Variants in PIKFYVE observed in about 807,000 individuals in gnomAD.
PIKFYVE encodes phosphoinositide kinase, FYVE-type zinc finger containing.
A neutral mutation model predicts 257.9 loss-of-function variants in PIKFYVE; 122 were observed. The ratio of observed to expected loss-of-function variants is 0.47; its 90% CI spans 0.41 to 0.55. The LOEUF is 0.55. Ranked by LOEUF, PIKFYVE falls within the 20% of genes least tolerant of loss-of-function variation. The probability of loss-of-function intolerance (pLI) is 0.00; values close to 1 mark genes in which losing one functional copy is unlikely to be tolerated. For synonymous variants in PIKFYVE, 892 were observed against 868.9 expected, an observed-to-expected ratio of 1.03 and a Z score of -0.47; for missense variants, 2,160 against 2,536.6, an observed-to-expected ratio of 0.85 and a Z score of 3.19.
Position 208,304,899 on chromosome 2 carries a change from G to C in PIKFYVE, c.1522G>C (p.Asp508His), listed in dbSNP as rs886055530. Reference sequence around the variant, plus strand: ...AGTCAGCAGTTTCCAGTCCACAGTGGACAGTGACTCAGCCGCTTCTATCAG... The same window carrying C: ...AGTCAGCAGTTTCCAGTCCACAGTGCACAGTGACTCAGCCGCTTCTATCAG... ...TSVSSFQSTV[D>H]SDSAASISLN... Residue 508 changes from aspartate to histidine, a missense_variant, in exon 12 of 42, where the codon GAC becomes CAC. Asp to His is a moderately conservative substitution (Grantham distance 81). Around this residue, in one of 12 missense-constraint regions of PIKFYVE, gnomAD observed 346 missense variants for 365.6 expected, o/e 0.95. Coordinates refer to ENST00000264380, the MANE Select transcript of PIKFYVE (RefSeq NM_015040.4). 1.4e-5 allele frequency: 23 copies of C among 1,614,136 alleles called. No individual in the cohort carries two copies. Among genetic ancestry groups the C allele is most frequent in the Non-Finnish European group, 1.9e-5 (22 of 1,180,026 alleles).
intron 5 of PIKFYVE, among the ~76,000 whole-genome samples, chr2:208,284,343 C>T (rs1691254338): frequency 6.6e-6 from 1 of 151,612 alleles, no homozygotes; most frequent in South Asian, 2.1e-4. Flanking sequence ...TCACTGCAAC[C>T]TCTGCCTCCC....
intron 9 of PIKFYVE, among the ~76,000 whole-genome samples, chr2:208,301,516 C>T (rs1338530246): frequency 6.6e-6 from 1 of 152,164 alleles, no homozygotes; most frequent in African/African-American, 2.4e-5. Context: ...ACAGACAGGT[C>T]CTGCTTTTCA....
At chr2:208,299,466 T>A (rs1285781398) in intron 8 of PIKFYVE, among the ~76,000 whole-genome samples, 6 of 152,076 alleles carry the variant, frequency 3.9e-5, no homozygotes, top group Admixed American at 1.3e-4. Flanking sequence ...ATTTTTGTAT[T>A]TTTAGTAGAG....
In PIKFYVE at chr2:208,326,386, AAGAG is replaced by A; in HGVS notation, c.3580_3583del (p.Arg1194GlyfsTer4). ...TCAGGAAGCAAAAATGAGGGTGATGAAGAGAGAGGGCTTATTCTGAGTGATGCTG... is the reference window on the plus strand; with the variant it reads ...TCAGGAAGCAAAAATGAGGGTGATGAAGAGGGCTTATTCTGAGTGATGCTG... On this transcript the variant is annotated frameshift_variant, in exon 20 of 42. Coordinates refer to ENST00000264380, the MANE Select transcript of PIKFYVE (RefSeq NM_015040.4). LOFTEE classifies it high-confidence loss of function. The A allele has an allele frequency of 6.2e-7, 1 of 1,614,048 alleles. No individual in the cohort carries two copies. Among genetic ancestry groups the A allele is most frequent in the Non-Finnish European group, 8.5e-7 (1 of 1,179,966 alleles).
chr2:208,326,300 G>C lies in PIKFYVE; in HGVS notation c.3489G>C (p.Gln1163His), dbSNP rs780885080. 1.9e-6 allele frequency: 3 copies of C among 1,603,418 alleles called. No individual in the cohort carries two copies. The highest frequency in any genetic ancestry group is 1.1e-5 in the South Asian group (1 of 89,516). ...ATCGAGCCAGAGGAGGAAGAATTCA[G>C]CCCAAAAATTCAGACCCTTTTGCTC... is the stretch of plus-strand genomic sequence containing the variant. The part of the protein sequence containing the change: ...ADYRARGGRI[Q>H]PKNSDPFAHS... The change falls in exon 20 of 42, where the codon CAG (glutamine) becomes CAC (histidine). Residue 1163 changes from glutamine to histidine, a missense_variant. Physicochemically the swap from Gln to His is conservative, Grantham distance 24 (BLOSUM62 0). This residue lies in a region of PIKFYVE where 522 missense variants were observed against 514.6 expected (regional missense o/e 1.01). Transcript: ENST00000264380.
chr2:208,285,510 G>A (rs1426766447), intron 5 of PIKFYVE, among the ~76,000 whole-genome samples: 1 of 151,488 alleles, frequency 6.6e-6, no homozygotes, highest in Non-Finnish European at 1.5e-5. Context: ...TTGATTTTTA[G>A]TGCCAGAATT....
At chr2:208,345,997 T>G in intron 33 of PIKFYVE, 53 bp from the exon 34 acceptor site, 1 of 1,326,464 alleles carries the variant, frequency 7.5e-7, no homozygotes, top group Non-Finnish European at 1.1e-6. Flanking sequence ...CTTACTATTT[T>G]CTGTTTGACT....
At chr2:208,331,839 C>G (rs1697574502) in intron 23 of PIKFYVE, among the ~76,000 whole-genome samples, 1 of 152,188 alleles carries the variant, frequency 6.6e-6, no homozygotes, top group African/African-American at 2.4e-5. Flanking sequence ...AATTCTCAGT[C>G]TTAGTTTCAT....
chr2:208,352,157 C>T (rs1699831683), intron 38 of PIKFYVE, among the ~76,000 whole-genome samples: 1 of 152,140 alleles, frequency 6.6e-6, no homozygotes, highest in Admixed American at 6.5e-5. Context: ...ATTAGGTGCA[C>T]ATTCAGTAGT....
chr2:208,332,237 G>A (rs924100016), intron 23 of PIKFYVE, among the ~76,000 whole-genome samples: 1 of 152,100 alleles, frequency 6.6e-6, no homozygotes, highest in Non-Finnish European at 1.5e-5. Context: ...AGTCAGGTAA[G>A]CATAAATCAG....
intron 25 of PIKFYVE, 34 bp from the exon 26 acceptor site, chr2:208,335,759 T>A: frequency 6.7e-7 from 1 of 1,496,908 alleles, no homozygotes; most frequent in Non-Finnish European, 9.3e-7. Flanking sequence ...TGATTCACCC[T>A]TTCTAAAGTG....
chr2:208,311,298 A>G (rs1188167787), intron 12 of PIKFYVE, among the ~76,000 whole-genome samples: 1 of 152,198 alleles, frequency 6.6e-6, no homozygotes, highest in Non-Finnish European at 1.5e-5. Flanking sequence ...TCTTGCCCAC[A>G]TACTCGATTT....
intron 1 of PIKFYVE, among the ~76,000 whole-genome samples, chr2:208,268,423 C>CTTTT (rs35632672): frequency 1.0e-4 from 8 of 78,694 alleles, no homozygotes; most frequent in Non-Finnish European, 1.7e-4. Flanking sequence ...CTCCAGAGCT[C>CTTTT]TTTTTTTTTT....
At chr2:208,285,997 A>T in intron 6 of PIKFYVE, 64 bp downstream of exon 6, 1 of 1,466,790 alleles carries the variant, frequency 6.8e-7, no homozygotes. Flanking sequence ...CTGACCTTTG[A>T]GTGCTTTCAG....
chr2:208,347,720 G>A, intron 34 of PIKFYVE, 139 bp from the exon 35 acceptor site: 2 of 764,436 alleles, frequency 2.6e-6, no homozygotes, highest in Non-Finnish European at 4.4e-6. Flanking sequence ...AGGACAATGT[G>A]CAAACAAAAG....
chr2:208,267,869 C>T (rs1304981409), intron 1 of PIKFYVE, among the ~76,000 whole-genome samples: 2 of 151,502 alleles, frequency 1.3e-5, no homozygotes, highest in Non-Finnish European at 2.9e-5. Context: ...GTCTCCGCCT[C>T]CCAGGCTCAA....
rs773194139 is a variant in PIKFYVE at position 208,325,500 on chromosome 2, G to A, written c.2689G>A (p.Gly897Arg). Residue 897 changes from glycine to arginine, a missense_variant, in exon 20 of 42, where the codon GGG (glycine) becomes AGG (arginine). This residue lies in a region of PIKFYVE where 522 missense variants were observed against 514.6 expected (regional missense o/e 1.01). Coordinates refer to ENST00000264380, the MANE Select transcript of PIKFYVE (RefSeq NM_015040.4). ...PSFHSLIEGR[G>R]HEGAVQEQYG... ...ATTCCATTCCCTGATTGAGGGACGA[G>A]GGCATGAGGGGGCTGTCCAAGAGCA... 3.1e-6 allele frequency: 5 copies of A among 1,614,026 alleles called. No homozygotes were observed. Among genetic ancestry groups the A allele is most frequent in the Non-Finnish European group, 1.7e-6 (2 of 1,180,034 alleles).
intron 21 of PIKFYVE, 99 bp downstream of exon 21, chr2:208,328,379 A>T: frequency 7.2e-7 from 1 of 1,398,546 alleles, no homozygotes; most frequent in East Asian, 2.3e-5. Flanking sequence ...ACCTGTATTT[A>T]GGTACACAGC....
intron 7 of PIKFYVE, among the ~76,000 whole-genome samples, chr2:208,294,847 G>A (rs80221772): frequency 0.028 from 4,259 of 152,206 alleles, 184 homozygotes; most frequent in African/African-American, 0.096. Flanking sequence ...ATGCTCTGAC[G>A]TATTTTTAAG....
Sources: allele counts gnomAD v4.1 joint callset (sites outside exome capture counted in the v4.1 genomes callset), GRCh38; gene constraint gnomAD v4.1.1; regional missense constraint gnomAD v4.1.1; transcripts MANE v1.5; gene names NCBI Gene and HGNC (gene_info 2026-07-23, HGNC 2026-07-21).